L3MBTL4: variants seen among roughly 807,000 people sequenced by gnomAD.
The protein encoded by L3MBTL4 is L3MBTL histone methyl-lysine binding protein 4.
Under a neutral mutation model 84.5 loss-of-function variants are expected in L3MBTL4, and 70 were observed. That is an observed-to-expected ratio of 0.83 (90% CI 0.68 to 1.01). The LOEUF is 1.01. L3MBTL4 is among the 50% of genes least tolerant of loss of function. The probability of loss-of-function intolerance (pLI) is 0.00; values close to 1 mark genes in which losing one functional copy is unlikely to be tolerated. For synonymous variants in L3MBTL4, 274 were observed against 259.8 expected, an observed-to-expected ratio of 1.05 and a Z score of -0.52; for missense variants, 715 against 754.8, an observed-to-expected ratio of 0.95 and a Z score of 0.62.
At chr18:6,067,153 T>C (rs1322788879) in intron 16 of L3MBTL4, among the ~76,000 whole-genome samples, 1 of 152,224 alleles carries the variant, frequency 6.6e-6, no homozygotes, top group Non-Finnish European at 1.5e-5. Context: ...GTAGGGTTTC[T>C]GCTGAGAAAT....
intron 4 of L3MBTL4, among the ~76,000 whole-genome samples, chr18:6,276,848 A>T (rs1453232933): frequency 6.6e-6 from 1 of 152,122 alleles, no homozygotes; most frequent in African/African-American, 2.4e-5. Flanking sequence ...GTGGTGACTT[A>T]TGAGAAATAA....
At chr18:6,055,471 T>C (rs1034472620) in intron 16 of L3MBTL4, among the ~76,000 whole-genome samples, 6 of 152,098 alleles carry the variant, frequency 3.9e-5, no homozygotes, top group East Asian at 1.9e-4. Context: ...TTTTCTTCGA[T>C]AGTATGTTAA....
At position 6,146,673 on chromosome 18, in the gene L3MBTL4, T is replaced by C. The variant is rs192855966; in HGVS notation, c.1097-8377A>G. Among the ~76,000 whole-genome samples the C allele has an allele frequency of 3.9e-5, 6 of 152,354 alleles. No individual in the cohort carries two copies. The East Asian group carries it at 1.2e-3, about 29-fold the overall frequency. On this transcript the variant is annotated intron_variant, in intron 13 of 18. Coordinates refer to ENST00000317931, the MANE Select transcript of L3MBTL4 (RefSeq NM_001330559.2). ...TAAGAAGTTTTTATATAAAAGGTTG[T>C]ATAAAGTGGTTATAAAAAAGTGGAT...
At chr18:6,382,430 A>C (rs2062171302) in intron 1 of L3MBTL4, among the ~76,000 whole-genome samples, 1 of 152,136 alleles carries the variant, frequency 6.6e-6, no homozygotes, top group Admixed American at 6.5e-5. Context: ...TGGAATTTTC[A>C]GCCTTTTTGC....
chr18:6,122,186 T>A (rs1396689611), intron 14 of L3MBTL4, among the ~76,000 whole-genome samples: 2 of 147,180 alleles, frequency 1.4e-5, no homozygotes, highest in Non-Finnish European at 3.0e-5. Context: ...GTGGTTAAAT[T>A]ATACACAAAT....
At chr18:6,207,406 C>T (rs75678049) in intron 12 of L3MBTL4, among the ~76,000 whole-genome samples, 10,078 of 152,278 alleles carry the variant, frequency 0.066, 1,146 homozygotes, top group African/African-American at 0.23. Context: ...TATTTCCTTA[C>T]ATATGCTACT....
At chr18:6,067,707 T>A (rs889422332) in intron 16 of L3MBTL4, among the ~76,000 whole-genome samples, 18 of 151,922 alleles carry the variant, frequency 1.2e-4, no homozygotes, top group South Asian at 2.1e-4. Context: ...AAAAAAAAAA[T>A]TTCTTTATGT....
At chr18:6,100,713 G>T (rs1025378692) in intron 14 of L3MBTL4, among the ~76,000 whole-genome samples, 7 of 152,190 alleles carry the variant, frequency 4.6e-5, no homozygotes, top group African/African-American at 1.7e-4. Flanking sequence ...ACCCCTGGAT[G>T]CCACCCTGGC....
intron 16 of L3MBTL4, among the ~76,000 whole-genome samples, chr18:6,053,421 C>T (rs1415639041): frequency 6.6e-6 from 1 of 152,130 alleles, no homozygotes; most frequent in African/African-American, 2.4e-5. Context: ...GAAATGGATA[C>T]AGGAGGCCAT....
At chr18:6,118,343 G>T (rs932721013) in intron 14 of L3MBTL4, among the ~76,000 whole-genome samples, 4 of 151,896 alleles carry the variant, frequency 2.6e-5, no homozygotes, top group Admixed American at 6.6e-5. Context: ...ACCTTTCCCC[G>T]GAAACTTTTC....
intron 16 of L3MBTL4, among the ~76,000 whole-genome samples, chr18:6,064,774 A>C (rs1269506128): frequency 6.6e-6 from 1 of 151,996 alleles, no homozygotes; most frequent in Non-Finnish European, 1.5e-5. Flanking sequence ...TTTTCTAAGC[A>C]TATTATCATA....
intron 13 of L3MBTL4, among the ~76,000 whole-genome samples, chr18:6,161,980 G>A (rs2043361561): frequency 6.6e-6 from 1 of 151,066 alleles, no homozygotes; most frequent in Non-Finnish European, 1.5e-5. Context: ...ACCTGTGTGT[G>A]TGTGTGTATG....
intron 16 of L3MBTL4, among the ~76,000 whole-genome samples, chr18:6,046,472 A>G (rs2056623177): frequency 6.6e-6 from 1 of 152,232 alleles, no homozygotes; most frequent in African/African-American, 2.4e-5. Context: ...ATTTGCACAC[A>G]GAACACATTC....
chr18:6,146,107 T>G (rs2042640120), intron 13 of L3MBTL4, among the ~76,000 whole-genome samples: 1 of 152,146 alleles, frequency 6.6e-6, no homozygotes, highest in Non-Finnish European at 1.5e-5. Flanking sequence ...TGGCGGGAGA[T>G]GAGACGGCGT....
At chr18:6,030,423 C>T (rs2055732095) in intron 16 of L3MBTL4, 1 of 984,804 alleles carries the variant, frequency 1.0e-6, no homozygotes, top group Non-Finnish European at 1.2e-6. Flanking sequence ...TATACATCTT[C>T]TGACTTTATC....
At chr18:6,014,506 G>A (rs998261989) in intron 16 of L3MBTL4, among the ~76,000 whole-genome samples, 2 of 150,942 alleles carry the variant, frequency 1.3e-5, no homozygotes, top group Non-Finnish European at 2.9e-5. Context: ...GTTAGAGATG[G>A]CTGCAGGGTA....
chr18:6,258,487 T>C (rs1003736644), intron 5 of L3MBTL4, among the ~76,000 whole-genome samples: 10 of 151,806 alleles, frequency 6.6e-5, no homozygotes, highest in African/African-American at 2.2e-4. Context: ...ATGGCTGACA[T>C]GAGGGAACTG....
chr18:6,257,506 G>A (rs2146305401), intron 5 of L3MBTL4, among the ~76,000 whole-genome samples: 1 of 152,304 alleles, frequency 6.6e-6, no homozygotes, highest in Non-Finnish European at 1.5e-5. Flanking sequence ...CAAGAAGCCA[G>A]TCTGGACTAA....
intron 16 of L3MBTL4, among the ~76,000 whole-genome samples, chr18:6,039,185 C>T (rs904024752): frequency 1.3e-5 from 2 of 152,078 alleles, no homozygotes; most frequent in African/African-American, 4.8e-5. Context: ...ACCTTCTAGC[C>T]TCCACAACTG....
Sources: gnomAD v4.1 joint callset for allele counts (sites outside exome capture counted in the v4.1 genomes callset) on GRCh38, gnomAD v4.1.1 for gene constraint, MANE v1.5 for transcripts, NCBI Gene and HGNC (gene_info 2026-07-23, HGNC 2026-07-21) for gene names.